Variants in ARB2A observed in about 807,000 individuals in gnomAD.
The protein encoded by ARB2A is cotranscriptional regulator ARB2A.
At chr5:94,094,777 G>A in the ARB2A span, among the ~76,000 whole-genome samples, 1 of 152,166 alleles carries the variant, frequency 6.6e-6, no homozygotes, top group Non-Finnish European at 1.5e-5. Context: ...TCACACCATT[G>A]TAAGTTCAGA....
the ARB2A span, among the ~76,000 whole-genome samples, chr5:93,659,539 A>G: frequency 2.0e-5 from 3 of 152,254 alleles, no homozygotes; most frequent in Admixed American, 1.3e-4. Flanking sequence ...TTGATCAGAC[A>G]GAAAAAAATT....
chr5:93,704,310 C>T, the ARB2A span, among the ~76,000 whole-genome samples: 1 of 152,138 alleles, frequency 6.6e-6, no homozygotes, highest in Admixed American at 6.5e-5. Context: ...ATAACTCTTG[C>T]CTGTAATCCT....
the ARB2A span, among the ~76,000 whole-genome samples, chr5:93,854,685 CT>C: frequency 9.2e-5 from 14 of 152,186 alleles, no homozygotes; most frequent in African/African-American, 2.4e-5. Context: ...CAAAGAACAT[CT>C]TTATTTCTGC....
the ARB2A span, chr5:93,743,016 A>G: frequency 6.6e-6 from 1 of 152,164 alleles, no homozygotes. Flanking sequence ...GTCAAATCTT[A>G]TGTACTGGGA....
chr5:93,848,544 CT>C, the ARB2A span, among the ~76,000 whole-genome samples: 9 of 152,138 alleles, frequency 5.9e-5, no homozygotes, highest in Non-Finnish European at 1.5e-5. Flanking sequence ...AATATTTTCA[CT>C]GTAGAATATG....
the ARB2A span, among the ~76,000 whole-genome samples, chr5:93,803,774 C>T: frequency 1.3e-5 from 2 of 149,668 alleles, no homozygotes; most frequent in Admixed American, 6.7e-5. Flanking sequence ...TTAGACTTAA[C>T]CCAAAATATT....
the ARB2A span, among the ~76,000 whole-genome samples, chr5:93,664,656 A>AT: frequency 2.8e-3 from 423 of 148,914 alleles, 3 homozygotes; most frequent in Non-Finnish European, 4.3e-3. Flanking sequence ...TATATATAAT[A>AT]ATAATAATAT....
chr5:93,787,326 G>A, the ARB2A span, among the ~76,000 whole-genome samples: 1 of 152,146 alleles, frequency 6.6e-6, no homozygotes, highest in African/African-American at 2.4e-5. Flanking sequence ...TTGGATAGAA[G>A]TGATGACAAA....
At chr5:93,634,990 T>C in the ARB2A span, among the ~76,000 whole-genome samples, 1 of 152,138 alleles carries the variant, frequency 6.6e-6, no homozygotes, top group Non-Finnish European at 1.5e-5. Context: ...GCCAGGCTGC[T>C]CTCGAACTCC....
At chr5:93,733,879 T>C in the ARB2A span, 7 of 152,216 alleles carry the variant, frequency 4.6e-5, no homozygotes, top group East Asian at 1.9e-4. Context: ...GAATTAATCT[T>C]GAATAGATTT....
At chr5:93,730,353 T>A in the ARB2A span, among the ~76,000 whole-genome samples, 1 of 152,082 alleles carries the variant, frequency 6.6e-6, no homozygotes, top group Non-Finnish European at 1.5e-5. Flanking sequence ...TAAATCCCTG[T>A]ATGGGGAGTC....
At chr5:93,942,595 A>C in the ARB2A span, among the ~76,000 whole-genome samples, 1 of 151,920 alleles carries the variant, frequency 6.6e-6, no homozygotes, top group Admixed American at 6.6e-5. Flanking sequence ...CATTTATTAC[A>C]TGTTAAGTTC....
chr5:94,027,188 T>C, the ARB2A span, among the ~76,000 whole-genome samples: 1 of 152,178 alleles, frequency 6.6e-6, no homozygotes, highest in Non-Finnish European at 1.5e-5. Flanking sequence ...AGTTGAAGAA[T>C]GCCAAGCTTG....
At chr5:93,969,891 A>G in the ARB2A span, among the ~76,000 whole-genome samples, 2 of 152,266 alleles carry the variant, frequency 1.3e-5, no homozygotes, top group South Asian at 4.1e-4. Flanking sequence ...GGGGTGGGGA[A>G]GAGTGACATT....
chr5:94,057,625 TA>T, the ARB2A span, among the ~76,000 whole-genome samples: 1 of 152,306 alleles, frequency 6.6e-6, no homozygotes, highest in East Asian at 1.9e-4. Flanking sequence ...AATGAGTATT[TA>T]AAACACTATT....
chr5:93,992,715 A>G, the ARB2A span, among the ~76,000 whole-genome samples: 1 of 152,096 alleles, frequency 6.6e-6, no homozygotes, highest in African/African-American at 2.4e-5. Flanking sequence ...TGCCAAAAAA[A>G]GCAATAGATT....
chr5:93,754,167 G>C, the ARB2A span, among the ~76,000 whole-genome samples: 28 of 152,202 alleles, frequency 1.8e-4, no homozygotes, highest in Non-Finnish European at 3.5e-4. Flanking sequence ...GGTAAAACAA[G>C]TCTCAAAATT....
chr5:93,782,159 G>A, the ARB2A span, among the ~76,000 whole-genome samples: 1 of 152,112 alleles, frequency 6.6e-6, no homozygotes, highest in African/African-American at 2.4e-5. Flanking sequence ...CTGAATAGGG[G>A]TAATTTCAAA....
chr5:93,979,433 G>A, the ARB2A span, among the ~76,000 whole-genome samples: 1 of 151,988 alleles, frequency 6.6e-6, no homozygotes, highest in African/African-American at 2.4e-5. Flanking sequence ...CCTATATATT[G>A]AATTTAATAT....
Sources: gnomAD v4.1 joint callset for allele counts (sites outside exome capture counted in the v4.1 genomes callset) on GRCh38, gnomAD v4.1.1 for gene constraint, MANE v1.5 for transcripts, NCBI Gene and HGNC (gene_info 2026-07-23, HGNC 2026-07-21) for gene names.